GPHN: variants seen among roughly 807,000 people sequenced by gnomAD.
GPHN encodes gephyrin.
GPHN carries 17 observed loss-of-function variants against 95.5 expected under a neutral mutation model. The observed-to-expected ratio is 0.18, with a 90% CI of 0.12 to 0.27. The LOEUF is 0.27. Ranked by LOEUF, GPHN falls within the 10% of genes least tolerant of loss-of-function variation. The probability of loss-of-function intolerance (pLI) is 1.00; values close to 1 mark genes in which losing one functional copy is unlikely to be tolerated. For synonymous variants in GPHN, 320 were observed against 322.5 expected, an observed-to-expected ratio of 0.99 and a Z score of 0.08; for missense variants, 660 against 978.1, an observed-to-expected ratio of 0.67 and a Z score of 4.34.
At chr14:67,025,191 A>G (rs2073862108) in intron 10 of GPHN, among the ~76,000 whole-genome samples, 1 of 152,188 alleles carries the variant, frequency 6.6e-6, no homozygotes, top group Admixed American at 6.5e-5. Context: ...TAATCTAACT[A>G]AATTTGAAAA....
intron 1 of GPHN, among the ~76,000 whole-genome samples, chr14:66,632,158 T>A (rs781756830): frequency 3.3e-5 from 5 of 152,202 alleles, no homozygotes; most frequent in Non-Finnish European, 7.3e-5. Flanking sequence ...CAATGTTTCA[T>A]GACATGAGAT....
the GPHN span, chr14:67,585,524 C>A: frequency 7.6e-7 from 1 of 1,311,154 alleles, no homozygotes; most frequent in South Asian, 1.3e-5. Flanking sequence ...AGTTCAAAAT[C>A]TCTAACTATG....
At chr14:67,130,258 T>C (rs1292891106) in intron 17 of GPHN, among the ~76,000 whole-genome samples, 1 of 152,136 alleles carries the variant, frequency 6.6e-6, no homozygotes, top group Non-Finnish European at 1.5e-5. Context: ...TTAGGCCCCT[T>C]ACCCCTCTCC....
chr14:67,705,944 T>C, the GPHN span: 2 of 152,192 alleles, frequency 1.3e-5, no homozygotes, highest in Non-Finnish European at 2.9e-5. Flanking sequence ...AGCAGTTAAT[T>C]AGTAAAGATA....
intron 10 of GPHN, among the ~76,000 whole-genome samples, chr14:67,057,037 G>T (rs1276653105): frequency 6.6e-6 from 1 of 151,726 alleles, no homozygotes; most frequent in Non-Finnish European, 1.5e-5. Flanking sequence ...GCCACCCACA[G>T]CCCCAGTTCC....
At chr14:66,890,808 A>G (rs1254154339) in intron 5 of GPHN, among the ~76,000 whole-genome samples, 1 of 151,914 alleles carries the variant, frequency 6.6e-6, no homozygotes, top group Non-Finnish European at 1.5e-5. Context: ...GGAGGGAAAA[A>G]AAAACCCATG....
intron 1 of GPHN, among the ~76,000 whole-genome samples, chr14:66,548,750 G>C (rs1198045453): frequency 6.6e-6 from 1 of 152,178 alleles, no homozygotes; most frequent in African/African-American, 2.4e-5. Flanking sequence ...AGCTAGAAAT[G>C]GTTAAGCTTA....
At chr14:67,463,050 A>C in the GPHN span, among the ~76,000 whole-genome samples, 1 of 152,234 alleles carries the variant, frequency 6.6e-6, no homozygotes, top group African/African-American at 2.4e-5. Flanking sequence ...AAGCAAACCA[A>C]GTCAGCTGGT....
At chr14:67,592,635 C>G in the GPHN span, 2 of 1,578,388 alleles carry the variant, frequency 1.3e-6, no homozygotes, top group South Asian at 1.1e-5. Flanking sequence ...CTATGCTCAC[C>G]TGGAAGACGG....
intron 2 of GPHN, among the ~76,000 whole-genome samples, chr14:66,730,717 T>C (rs1193187132): frequency 6.6e-6 from 1 of 152,230 alleles, no homozygotes; most frequent in Non-Finnish European, 1.5e-5. Context: ...ATAATACTTA[T>C]CAGCTAATTG....
At chr14:66,625,515 TC>T (rs1353818140) in intron 1 of GPHN, among the ~76,000 whole-genome samples, 1 of 152,156 alleles carries the variant, frequency 6.6e-6, no homozygotes, top group Non-Finnish European at 1.5e-5. Flanking sequence ...AACTTTTCTT[TC>T]CTATTGTCTG....
the GPHN span, chr14:67,294,849 CT>C: frequency 5.9e-5 from 9 of 151,918 alleles, no homozygotes; most frequent in East Asian, 1.8e-3. Flanking sequence ...ATTTTTTGTA[CT>C]TTTAGTAGAG....
At chr14:66,795,477 C>T (rs940982661) in intron 3 of GPHN, among the ~76,000 whole-genome samples, 1 of 152,042 alleles carries the variant, frequency 6.6e-6, no homozygotes, top group Non-Finnish European at 1.5e-5. Context: ...TCCTTTTTCT[C>T]TTACTTCCTT....
the GPHN span, chr14:67,582,173 A>T: frequency 1.2e-6 from 2 of 1,613,640 alleles, no homozygotes. The surrounding 1 kb of genome is among the most constrained non-coding windows in gnomAD (Gnocchi z 5.0). Context: ...CCTATCAACA[A>T]GGAATTGGCT....
At chr14:67,602,530 C>T in the GPHN span, among the ~76,000 whole-genome samples, 1 of 152,196 alleles carries the variant, frequency 6.6e-6, no homozygotes, top group African/African-American at 2.4e-5. Flanking sequence ...ATGTAAACCA[C>T]CCATATTTCC....
intron 1 of GPHN, among the ~76,000 whole-genome samples, chr14:66,672,242 A>G (rs575684434): frequency 6.6e-6 from 1 of 152,096 alleles, no homozygotes; most frequent in Non-Finnish European, 1.5e-5. Flanking sequence ...ATTTGGGGAT[A>G]CTTCTTTTAT....
intron 3 of GPHN, among the ~76,000 whole-genome samples, chr14:66,804,962 C>T (rs149187166): frequency 6.6e-6 from 1 of 152,302 alleles, no homozygotes; most frequent in Admixed American, 6.5e-5. Flanking sequence ...GTGTAATGCT[C>T]TGTGTGTCAG....
the GPHN span, among the ~76,000 whole-genome samples, chr14:67,266,049 C>G: frequency 3.3e-4 from 50 of 152,086 alleles, no homozygotes; most frequent in African/African-American, 1.2e-3. Flanking sequence ...CTCAGTGATA[C>G]TCCTGTCTCT....
chr14:67,486,011 C>A, the GPHN span, among the ~76,000 whole-genome samples: 4 of 152,218 alleles, frequency 2.6e-5, no homozygotes, highest in Non-Finnish European at 5.9e-5. Flanking sequence ...TGGGCAGAGT[C>A]CAGTCCCAGG....
Sources: allele counts gnomAD v4.1 joint callset (sites outside exome capture counted in the v4.1 genomes callset), GRCh38; gene constraint gnomAD v4.1.1; non-coding constraint Gnocchi (gnomAD v3.1); transcripts MANE v1.5; gene names NCBI Gene and HGNC (gene_info 2026-07-23, HGNC 2026-07-21).